The following VAT1L variants were observed in gnomAD, a reference collection of about 807,000 sequenced individuals.
VAT1L encodes vesicle amine transport 1 like, also known as putative NADPH-dependent quinone oxidoreductase VAT1L.
VAT1L carries 34 observed loss-of-function variants against 44.1 expected under a neutral mutation model. That is an observed-to-expected ratio of 0.77 (90% CI 0.59 to 1.03). The LOEUF is 1.03. Among genes scored for constraint, VAT1L ranks in the 50% least tolerant of loss-of-function variants. The pLI is 0.00. For synonymous variants in VAT1L, 253 were observed against 202.2 expected (o/e 1.25, Z -2.13); for missense variants, 615 against 538.8 (o/e 1.14, Z -1.40).
At chr16:77,845,474 C>G (rs76815540) in intron 3 of VAT1L, among the ~76,000 whole-genome samples, 2,484 of 152,234 alleles carry the variant, frequency 0.016, 64 homozygotes, top group African/African-American at 0.058. Flanking sequence ...CTCCCTTCCC[C>G]GCCTCACCAC....
At chr16:77,933,835 T>C (rs2017760739) in intron 7 of VAT1L, among the ~76,000 whole-genome samples, 1 of 152,154 alleles carries the variant, frequency 6.6e-6, no homozygotes, top group Non-Finnish European at 1.5e-5. Flanking sequence ...AGAGAAGTAG[T>C]CAGATGGCAC....
Position 77,806,191 on chromosome 16 carries a change from C to CTTTCTT in VAT1L, c.234-10722_234-10717dup, listed in dbSNP as rs374345584. Among the ~76,000 whole-genome samples the CTTTCTT allele has an allele frequency of 8.5e-3, 1,253 of 148,122 alleles. 18 individuals are homozygous for CTTTCTT. Among genetic ancestry groups the CTTTCTT allele is most frequent in the African/African-American group, 0.03 (1,210 of 40,998 alleles). On this transcript the variant is annotated intron_variant, in intron 1 of 8. Transcript: ENST00000302536. ...GCCCCCTTTTTAAATTCCTCGATCT[C>CTTTCTT]TTTCTTTTTCTTTCTATTTATTTAT... is the stretch of plus-strand genomic sequence containing the variant.
At chr16:77,928,926 G>A (rs1399038812) in intron 7 of VAT1L, among the ~76,000 whole-genome samples, 1 of 152,046 alleles carries the variant, frequency 6.6e-6, no homozygotes, top group Non-Finnish European at 1.5e-5. Flanking sequence ...AAGCGATCCT[G>A]CCTCAGCCTC....
At chr16:77,916,231 T>C (rs1014170085) in intron 7 of VAT1L, among the ~76,000 whole-genome samples, 1 of 152,090 alleles carries the variant, frequency 6.6e-6, no homozygotes, top group Non-Finnish European at 1.5e-5. Flanking sequence ...CACTCAACAG[T>C]GGGGACTCAC....
At chr16:77,823,787 G>C (rs1441575511) in intron 2 of VAT1L, among the ~76,000 whole-genome samples, 1 of 152,192 alleles carries the variant, frequency 6.6e-6, no homozygotes, top group African/African-American at 2.4e-5. Flanking sequence ...GGGAGGCCAA[G>C]GCGGGTGGAT....
intron 3 of VAT1L, among the ~76,000 whole-genome samples, chr16:77,851,508 C>T (rs576341526): frequency 2.6e-5 from 4 of 152,042 alleles, no homozygotes; most frequent in South Asian, 4.2e-4. Context: ...TTTAAATTAC[C>T]CAGACATGGT....
intron 7 of VAT1L, among the ~76,000 whole-genome samples, chr16:77,955,728 C>CAA (rs373457974): frequency 0.016 from 1,649 of 99,988 alleles, 37 homozygotes; most frequent in African/African-American, 0.052. Flanking sequence ...ATCCCCCCCC[C>CAA]CAAAAAAAAA....
intron 7 of VAT1L, among the ~76,000 whole-genome samples, chr16:77,966,201 G>C (rs191639487): frequency 1.3e-5 from 2 of 152,056 alleles, no homozygotes; most frequent in African/African-American, 4.8e-5. Flanking sequence ...TTTGTGGTTC[G>C]CTTTATATTT....
At chr16:77,794,885 C>G (rs1202878052) in intron 1 of VAT1L, among the ~76,000 whole-genome samples, 1 of 152,142 alleles carries the variant, frequency 6.6e-6, no homozygotes, top group Non-Finnish European at 1.5e-5. Flanking sequence ...AATTTGCATT[C>G]TCTCATCAAC....
chr16:77,944,091 T>G (rs533559394), intron 7 of VAT1L, among the ~76,000 whole-genome samples: 5 of 152,238 alleles, frequency 3.3e-5, no homozygotes, highest in Admixed American at 6.5e-5. Flanking sequence ...CGGAGACATT[T>G]TTGATTCTCA....
intron 4 of VAT1L, among the ~76,000 whole-genome samples, chr16:77,871,454 C>T (rs952413740): frequency 1.3e-5 from 2 of 152,158 alleles, no homozygotes; most frequent in African/African-American, 4.8e-5. Flanking sequence ...CTCATCCCTG[C>T]TAGGTACCTG....
chr16:77,789,269 T>A (rs575670747), intron 1 of VAT1L, among the ~76,000 whole-genome samples: 35 of 152,278 alleles, frequency 2.3e-4, no homozygotes, highest in Admixed American at 2.2e-3. Flanking sequence ...ATTAAAAATA[T>A]ATGTATTAAG....
At chr16:77,976,226 C>A (rs1251617901) in intron 8 of VAT1L, among the ~76,000 whole-genome samples, 1 of 152,160 alleles carries the variant, frequency 6.6e-6, no homozygotes, top group Admixed American at 6.5e-5. Context: ...GGCCAATGAG[C>A]CATTCATATA....
intron 6 of VAT1L, among the ~76,000 whole-genome samples, chr16:77,883,743 C>T (rs1157717618): frequency 6.6e-6 from 1 of 152,168 alleles, no homozygotes; most frequent in African/African-American, 2.4e-5. Context: ...TTTCTTCATG[C>T]TGTTACTTCT....
rs190942146 is a variant in VAT1L, at chr16:77,896,732, G to A, written c.1077+11930G>A. On this transcript the variant is annotated intron_variant, in intron 7 of 8. Transcript: ENST00000302536. The stretch of plus-strand genomic sequence containing the variant: ...ACTTCATCTACACCAGGAGACCAGC[G>A]TGTTGCAGAATTAGGCTTATTCACA... 4.4e-3 allele frequency among the ~76,000 whole-genome samples: 677 copies of A among 152,332 alleles called. 5 individuals are homozygous for A. The highest frequency in any genetic ancestry group is 6.1e-3 in the Non-Finnish European group (415 of 68,032).
rs1435560465 is a variant in VAT1L, at chr16:77,879,332, C to A, written c.882+108C>A. 4.0e-6 allele frequency: 5 copies of A among 1,253,284 alleles called. No individual in the cohort carries two copies. In the African/African-American group the frequency reaches 7.4e-5, roughly 19 times the overall value. The allele number at this position is 1,253,284 out of a possible 1,614,324, so 77.6% of individuals were successfully genotyped here. A position where few individuals can be genotyped will look rare whatever the true frequency, so the allele number is the denominator to read the frequency against. On this transcript the variant is annotated intron_variant, in intron 6 of 8. Coordinates refer to ENST00000302536, the MANE Select transcript of VAT1L (RefSeq NM_020927.3). This position sits in a 1 kb window ranked among gnomAD's most constrained non-coding sequence, Gnocchi z 4.1. ...TTTGAGACAGCGTCTCGTTCTGTCA[C>A]CAGGCTGGAGTGCAATGGCACGATC...
chr16:77,960,725 CT>C (rs2018151717), intron 7 of VAT1L, among the ~76,000 whole-genome samples: 1 of 152,086 alleles, frequency 6.6e-6, no homozygotes. Flanking sequence ...GAGGAACCCC[CT>C]ATTGATAACC....
At chr16:77,940,648 C>T (rs2017871051) in intron 7 of VAT1L, among the ~76,000 whole-genome samples, 1 of 152,100 alleles carries the variant, frequency 6.6e-6, no homozygotes, top group Non-Finnish European at 1.5e-5. Context: ...CAGCCCCACA[C>T]CACTGTCTTT....
intron 7 of VAT1L, among the ~76,000 whole-genome samples, chr16:77,950,942 T>C (rs897272810): frequency 6.6e-6 from 1 of 152,092 alleles, no homozygotes; most frequent in Non-Finnish European, 1.5e-5. Context: ...ACTGTATTCA[T>C]CCTCCGGTAA....
Sources: allele counts gnomAD v4.1 joint callset (sites outside exome capture counted in the v4.1 genomes callset), GRCh38; gene constraint gnomAD v4.1.1; non-coding constraint Gnocchi (gnomAD v3.1); transcripts MANE v1.5; gene names NCBI Gene and HGNC (gene_info 2026-07-23, HGNC 2026-07-21).